GLDC: variants seen among roughly 807,000 people sequenced by gnomAD.
GLDC encodes the protein glycine dehydrogenase (decarboxylating), mitochondrial.
A neutral mutation model predicts 121.3 loss-of-function variants in GLDC; 104 were observed. The observed-to-expected ratio is 0.86, with a 90% confidence interval of 0.73 to 1.01. The LOEUF (loss-of-function observed/expected upper bound fraction) is 1.01. Ranked by LOEUF, GLDC falls within the 50% of genes least tolerant of loss-of-function variation. The probability of loss-of-function intolerance (pLI) is 0.00; values close to 1 mark genes in which losing one functional copy is unlikely to be tolerated. For synonymous variants in GLDC, 546 were observed against 480.6 expected, an observed-to-expected ratio of 1.14 and a Z score of -1.78; for missense variants, 1,429 against 1,306.6, an observed-to-expected ratio of 1.09 and a Z score of -1.44.
intron 9 of GLDC, among the ~76,000 whole-genome samples, chr9:6,593,287 A>ATATATATATATATATATATATATAT (rs1377266695): frequency 1.3e-5 from 2 of 149,786 alleles, no homozygotes; most frequent in African/African-American, 4.9e-5. Context: ...ATATATATAT[A>ATATATATATATATATATATATATAT]AAATTATACC....
intron 4 of GLDC, among the ~76,000 whole-genome samples, chr9:6,609,869 C>G (rs1012824572): frequency 7.9e-5 from 12 of 152,230 alleles, no homozygotes; most frequent in Admixed American, 2.0e-4. Context: ...AGTGGGGGAC[C>G]TGGCACCGGC....
intron 8 of GLDC, among the ~76,000 whole-genome samples, chr9:6,596,200 C>T (rs1370598715): frequency 1.3e-5 from 2 of 152,192 alleles, no homozygotes; most frequent in African/African-American, 4.8e-5. Flanking sequence ...CCAGGCCTGA[C>T]ATTCACAGAA....
intron 18 of GLDC, among the ~76,000 whole-genome samples, chr9:6,555,794 AAAAG>A (rs370794001): frequency 2.0e-5 from 3 of 152,284 alleles, no homozygotes; most frequent in East Asian, 1.9e-4. Context: ...TCCATCTAAA[AAAAG>A]AAAGAAAGAA....
chr9:6,586,634 G>C (rs905614423), intron 15 of GLDC, among the ~76,000 whole-genome samples: 15 of 152,168 alleles, frequency 9.9e-5, no homozygotes, highest in Non-Finnish European at 2.1e-4. Context: ...GACAGGTGTA[G>C]TAAGCTAGCT....
chr9:6,593,067 A>C, intron 9 of GLDC, 77 bp from the exon 10 acceptor site: 10 of 1,478,002 alleles, frequency 6.8e-6, no homozygotes, highest in Non-Finnish European at 9.5e-6. Flanking sequence ...CAGAATAATA[A>C]AGAGATAAAT....
At chr9:6,581,614 G>T (rs1217488485) in intron 15 of GLDC, among the ~76,000 whole-genome samples, 2 of 152,148 alleles carry the variant, frequency 1.3e-5, no homozygotes, top group Non-Finnish European at 2.9e-5. Flanking sequence ...GCTCTCATGG[G>T]TCAGGTCAAG....
chr9:6,637,069 G>A (rs530815971), intron 2 of GLDC, among the ~76,000 whole-genome samples: 1 of 150,738 alleles, frequency 6.6e-6, no homozygotes, highest in Admixed American at 6.6e-5. Flanking sequence ...GGGTGACAGA[G>A]CAGAACTGGT....
rs150095531 is a variant in GLDC, at chr9:6,595,126, G to C, written c.1156-7C>G. 1.6e-3 allele frequency: 2,542 copies of C among 1,570,224 alleles called. 11 individuals are homozygous for C. Among genetic ancestry groups the C allele is most frequent in the Non-Finnish European group, 1.5e-3 (1,689 of 1,140,026 alleles). ...CCATATTCGCCAAGAGGGCCTAAAA[G>C]ATAAGAACATTTAAAGAATCACGTG... is the stretch of plus-strand genomic sequence containing the variant. On this transcript the variant is annotated splice_polypyrimidine_tract_variant and splice_region_variant and intron_variant, in intron 8 of 24. Transcript: ENST00000321612.
At position 6,644,621 on chromosome 9, in the gene GLDC, G is replaced by A. The variant is rs1181706015; in HGVS notation, c.327C>T (p.Asp109=). 2 of 1,608,184 alleles carry A rather than the reference G, an allele frequency of 1.2e-6. No individual in the cohort carries two copies. Among genetic ancestry groups the A allele is most frequent in the East Asian group, 2.2e-5 (1 of 44,864 alleles). The change falls in exon 2 of 25, where the codon GAC becomes GAT. Residue 109 remains aspartate (D), a synonymous_variant. Coordinates refer to ENST00000321612, the MANE Select transcript of GLDC (RefSeq NM_000170.3). ...IRLKRPLKME[D]PVCENEILAT... ...GCCCTCCCGGCCACTTACAAACAGG[G>A]TCTTCCATTTTCAAGGGTCTTTTCA...
chr9:6,542,732 A>C (rs563706623), intron 21 of GLDC, among the ~76,000 whole-genome samples: 1 of 151,944 alleles, frequency 6.6e-6, no homozygotes, highest in East Asian at 2.0e-4. Context: ...CAAAAAAACA[A>C]AAAATTAGCT....
intron 4 of GLDC, among the ~76,000 whole-genome samples, chr9:6,607,249 T>C (rs1032046340): frequency 2.6e-5 from 4 of 151,862 alleles, no homozygotes; most frequent in Non-Finnish European, 4.4e-5. Flanking sequence ...AAATATACCA[T>C]GAGGAAAAAG....
Position 6,645,359 on chromosome 9 carries a change from A to G in GLDC, c.141T>C (p.Ala47=). ...GGCGCTCCAGGAGGCGCGAGGCCCC[A>G]GCCGCGGCGCTGTCCCCGCCGCCAC... ...SSSGGGDSAA[A]GASRLLERLL... is the part of the protein sequence containing the mutation. The change falls in exon 1 of 25, where the codon GCT becomes GCC. Residue 47 remains alanine (A), a synonymous_variant. Transcript: ENST00000321612. 1 of 1,543,644 alleles carries G rather than the reference A, an allele frequency of 6.5e-7. No homozygotes were observed. The highest frequency in any genetic ancestry group is 8.7e-7 in the Non-Finnish European group (1 of 1,146,820).
intron 21 of GLDC, 71 bp downstream of exon 21, chr9:6,550,732 G>A: frequency 1.1e-6 from 1 of 883,920 alleles, no homozygotes; most frequent in Non-Finnish European, 1.9e-6. Flanking sequence ...TGTCAGAAAA[G>A]CGCATCTAGG....
intron 3 of GLDC, among the ~76,000 whole-genome samples, chr9:6,616,969 TGTTATCAGTA>T (rs1414731571): frequency 6.6e-6 from 1 of 152,230 alleles, no homozygotes; most frequent in Non-Finnish European, 1.5e-5. Flanking sequence ...AATGTTCTGA[TGTTATCAGTA>T]GTTGAAAATT....
At chr9:6,553,822 C>G (rs1243015187) in intron 19 of GLDC, among the ~76,000 whole-genome samples, 2 of 152,056 alleles carry the variant, frequency 1.3e-5, no homozygotes, top group African/African-American at 4.8e-5. Flanking sequence ...ATTCCCTCAC[C>G]CCTATACACT....
intron 10 of GLDC, 83 bp from the exon 11 acceptor site, chr9:6,592,306 A>G (rs1587950449): frequency 2.4e-6 from 2 of 832,372 alleles, no homozygotes; most frequent in Non-Finnish European, 4.2e-6. Flanking sequence ...CAAAGGGGAG[A>G]CAGTGCTAAA....
At chr9:6,599,132 C>T (rs889184440) in intron 8 of GLDC, among the ~76,000 whole-genome samples, 5 of 149,978 alleles carry the variant, frequency 3.3e-5, no homozygotes, top group Non-Finnish European at 5.9e-5. Flanking sequence ...TGCAGTGAGC[C>T]GACATCACGC....
intron 21 of GLDC, chr9:6,542,329 C>T (rs1209560709): frequency 1.3e-5 from 2 of 152,252 alleles, no homozygotes; most frequent in Non-Finnish European, 2.9e-5. Context: ...GCCTTGACCT[C>T]CTGGGCCCAA....
At chr9:6,636,319 A>C (rs909634465) in intron 2 of GLDC, among the ~76,000 whole-genome samples, 2 of 151,492 alleles carry the variant, frequency 1.3e-5, no homozygotes, top group Non-Finnish European at 2.9e-5. Context: ...AAAAAAAAAC[A>C]CTTTGGGTGA....
Sources: gnomAD v4.1 joint callset for allele counts (sites outside exome capture counted in the v4.1 genomes callset) on GRCh38, gnomAD v4.1.1 for gene constraint, MANE v1.5 for transcripts, NCBI Gene and HGNC (gene_info 2026-07-23, HGNC 2026-07-21) for gene names.